EPHA5: variants seen among roughly 807,000 people sequenced by gnomAD.
EPHA5 encodes ephrin type-A receptor 5.
A neutral mutation model predicts 105.0 loss-of-function variants in EPHA5; 60 were observed. That is an observed-to-expected ratio of 0.57 (90% CI 0.46 to 0.71). The LOEUF (loss-of-function observed/expected upper bound fraction) is 0.71, where lower values mean the gene tolerates loss of function less well. Among genes scored for constraint, EPHA5 ranks in the 30% least tolerant of loss-of-function variants. The pLI is 0.00. For synonymous variants in EPHA5, 513 were observed against 449.1 expected (o/e 1.14, Z -1.80); for missense variants, 1,218 against 1,274.7 (o/e 0.96, Z 0.68).
chr4:65,485,548 T>C (rs1578226135), intron 5 of EPHA5, among the ~76,000 whole-genome samples: 1 of 152,186 alleles, frequency 6.6e-6, no homozygotes, highest in East Asian at 1.9e-4. Flanking sequence ...AAAAGCAAGT[T>C]CCTAGGCTCC....
rs1288417594 is a variant in EPHA5 at position 65,471,265 on chromosome 4, C to G, written c.1402+19112G>C. Among the ~76,000 whole-genome samples, 3 of 152,172 alleles carry G rather than the reference C, an allele frequency of 2.0e-5. No homozygotes were observed. The East Asian group carries it at 5.8e-4, about 29-fold the overall frequency. On this transcript the variant is annotated intron_variant, in intron 5 of 16. Coordinates refer to ENST00000613740, the MANE Select transcript of EPHA5 (RefSeq NM_001281766.3). ...TCATAAACAAGGGCATATCTACCTTCTTTCTGATGGATACCAATGCCAACA... is the reference window on the plus strand; with the variant it reads ...TCATAAACAAGGGCATATCTACCTTGTTTCTGATGGATACCAATGCCAACA...
chr4:65,612,034 AAAAAAGGAAAG>A (rs1489656592), intron 2 of EPHA5, among the ~76,000 whole-genome samples: 4 of 133,136 alleles, frequency 3.0e-5, no homozygotes, highest in African/African-American at 5.6e-5. Flanking sequence ...AAAAAAAAAA[AAAAAAGGAAAG>A]AAAAGAAAAG....
At chr4:65,533,011 A>T (rs1348967045) in intron 3 of EPHA5, among the ~76,000 whole-genome samples, 1 of 151,206 alleles carries the variant, frequency 6.6e-6, no homozygotes, top group Non-Finnish European at 1.5e-5. Flanking sequence ...GTGCATTTTG[A>T]CTCTTCCTTG....
intron 1 of EPHA5, among the ~76,000 whole-genome samples, chr4:65,656,448 A>C (rs1453544220): frequency 6.6e-6 from 1 of 151,232 alleles, no homozygotes; most frequent in Non-Finnish European, 1.5e-5. Context: ...CGAGTTTTCC[A>C]TATGCATATT....
At chr4:65,387,595 C>A (rs1577983628) in intron 8 of EPHA5, among the ~76,000 whole-genome samples, 3 of 151,816 alleles carry the variant, frequency 2.0e-5, no homozygotes, top group Non-Finnish European at 1.5e-5. Context: ...TACCCTGGCC[C>A]ACTACTTCCC....
intron 5 of EPHA5, among the ~76,000 whole-genome samples, chr4:65,455,501 C>T (rs1045147276): frequency 1.1e-4 from 16 of 152,238 alleles, no homozygotes; most frequent in Non-Finnish European, 2.1e-4. Flanking sequence ...ATAAGGAACG[C>T]TGATCTGCTT....
chr4:65,475,103 A>C (rs571521691), intron 5 of EPHA5, among the ~76,000 whole-genome samples: 1 of 152,260 alleles, frequency 6.6e-6, no homozygotes, highest in East Asian at 1.9e-4. Flanking sequence ...AAGGTAATAG[A>C]TTTGATGCTA....
intron 3 of EPHA5, among the ~76,000 whole-genome samples, chr4:65,500,243 T>C (rs1732342713): frequency 6.6e-6 from 1 of 151,344 alleles, no homozygotes; most frequent in East Asian, 1.9e-4. Flanking sequence ...TTAGAAAACA[T>C]TATGCCAGTC....
chr4:65,491,602 T>C (rs1560601516), intron 4 of EPHA5, among the ~76,000 whole-genome samples: 1 of 152,048 alleles, frequency 6.6e-6, no homozygotes, highest in Non-Finnish European at 1.5e-5. Flanking sequence ...CTTCATGAAG[T>C]ATTTCTTGTA....
chr4:65,372,063 C>T (rs535405399), intron 8 of EPHA5, among the ~76,000 whole-genome samples: 1 of 151,980 alleles, frequency 6.6e-6, no homozygotes, highest in African/African-American at 2.4e-5. Context: ...CTTAATTTAG[C>T]CTCGTTTAAA....
intron 5 of EPHA5, among the ~76,000 whole-genome samples, chr4:65,429,060 T>C (rs1323350977): frequency 6.6e-6 from 1 of 152,008 alleles, no homozygotes; most frequent in African/African-American, 2.4e-5. Flanking sequence ...TATCCTATAA[T>C]AGAATTTTTA....
intron 1 of EPHA5, among the ~76,000 whole-genome samples, chr4:65,664,184 T>C (rs772717661): frequency 1.1e-4 from 16 of 151,894 alleles, no homozygotes; most frequent in Non-Finnish European, 1.8e-4. Flanking sequence ...CAAAATCAAA[T>C]ACTTAAAAAA....
intron 14 of EPHA5, among the ~76,000 whole-genome samples, chr4:65,341,244 A>T (rs546826365): frequency 8.5e-5 from 13 of 152,240 alleles, no homozygotes; most frequent in African/African-American, 2.4e-4. Flanking sequence ...ATTATTATAC[A>T]CATTTCACAT....
Position 65,365,649 on chromosome 4 carries a change from CTATATATATATATA to C in EPHA5, c.1987+269_1987+282del, listed in dbSNP as rs57048004. ...AATACTTTTGGGTATTACAAATTCA[CTATATATATATATA>C]TATATATATATATATATATATATAT... On this transcript the variant is annotated intron_variant, in intron 10 of 16. Transcript: ENST00000613740. Among the ~76,000 whole-genome samples, 127 of 64,876 alleles carry C rather than the reference CTATATATATATATA, an allele frequency of 2.0e-3. 1 individual carries two copies. Among genetic ancestry groups the C allele is most frequent in the African/African-American group, 4.5e-3 (108 of 23,862 alleles). 42.6% of individuals were successfully genotyped at this position (64,876 alleles called of 152,430 possible). A position where few individuals can be genotyped will look rare whatever the true frequency, so the allele number is the denominator to read the frequency against.
intron 3 of EPHA5, among the ~76,000 whole-genome samples, chr4:65,521,496 A>G (rs1450466168): frequency 6.6e-6 from 1 of 152,130 alleles, no homozygotes; most frequent in South Asian, 2.1e-4. Context: ...CACATTGTCC[A>G]CATGTACCCT....
At chr4:65,481,072 G>T (rs73222164) in intron 5 of EPHA5, among the ~76,000 whole-genome samples, 25,952 of 151,990 alleles carry the variant, frequency 0.17, 2,479 homozygotes, top group African/African-American at 0.23. Flanking sequence ...TCATATTGAA[G>T]ATTATATTTT....
At chr4:65,573,567 C>A in intron 3 of EPHA5, 1 of 1,598,246 alleles carries the variant, frequency 6.3e-7, no homozygotes, top group South Asian at 1.1e-5. Flanking sequence ...AGCTAAAAAG[C>A]CCAAGAAGGG....
intron 3 of EPHA5, among the ~76,000 whole-genome samples, chr4:65,579,358 G>GTATATATATATATATATATATATA (rs71657189): frequency 2.1e-5 from 3 of 142,792 alleles, no homozygotes; most frequent in Admixed American, 7.1e-5. Flanking sequence ...ATGTATGTGT[G>GTATATATATATATATATATATATA]TATATATATA....
At chr4:65,515,637 G>C (rs1461014151) in intron 3 of EPHA5, among the ~76,000 whole-genome samples, 1 of 152,074 alleles carries the variant, frequency 6.6e-6, no homozygotes, top group Non-Finnish European at 1.5e-5. Context: ...CTTGCAGTTA[G>C]TATATAGAAA....
Sources: gnomAD v4.1 joint callset for allele counts (sites outside exome capture counted in the v4.1 genomes callset) on GRCh38, gnomAD v4.1.1 for gene constraint, MANE v1.5 for transcripts, NCBI Gene and HGNC (gene_info 2026-07-23, HGNC 2026-07-21) for gene names.